The following KDM4B variants were observed in gnomAD, a reference collection of about 807,000 sequenced individuals.
KDM4B encodes the protein lysine demethylase 4B.
In KDM4B, 32 loss-of-function variants were observed where a neutral mutation model predicts 125.2. The observed-to-expected ratio is 0.26, with a 90% confidence interval of 0.19 to 0.34. KDM4B has a LOEUF of 0.34. KDM4B is among the 10% of genes least tolerant of loss of function. The pLI is 1.00. For synonymous variants in KDM4B, 721 were observed against 677.9 expected (o/e 1.06, Z -0.99); for missense variants, 1,190 against 1,577.7 (o/e 0.75, Z 4.16).
intron 3 of KDM4B, among the ~76,000 whole-genome samples, chr19:5,036,668 G>T (rs1337034249): frequency 1.3e-5 from 2 of 152,270 alleles, no homozygotes; most frequent in Non-Finnish European, 2.9e-5. Context: ...GGCCCCCCAG[G>T]AGCCCCGTGT....
intron 1 of KDM4B, among the ~76,000 whole-genome samples, chr19:4,970,766 G>A (rs1423823336): frequency 6.6e-6 from 1 of 152,306 alleles, no homozygotes; most frequent in East Asian, 1.9e-4. Context: ...TCCTCTCTCC[G>A]CTTTGCAGTT....
chr19:5,134,602 T>C (rs2039615614), intron 14 of KDM4B, among the ~76,000 whole-genome samples: 1 of 151,968 alleles, frequency 6.6e-6, no homozygotes, highest in African/African-American at 2.4e-5. Context: ...ATCTCTTAGA[T>C]CCCCCCTTCT....
chr19:5,001,078 C>T (rs553816357), intron 1 of KDM4B, among the ~76,000 whole-genome samples: 5 of 151,862 alleles, frequency 3.3e-5, no homozygotes, highest in Admixed American at 6.6e-5. Flanking sequence ...GTTGCCCAGG[C>T]TGGAGTGCAG....
chr19:5,101,170 C>T (rs1407179831), intron 9 of KDM4B, among the ~76,000 whole-genome samples: 3 of 144,022 alleles, frequency 2.1e-5, no homozygotes, highest in Non-Finnish European at 3.0e-5. Context: ...TGCAGTGAAC[C>T]GAGGTTGTGC....
At chr19:5,092,564 C>T (rs1021099698) in intron 9 of KDM4B, among the ~76,000 whole-genome samples, 1 of 152,152 alleles carries the variant, frequency 6.6e-6, no homozygotes, top group Admixed American at 6.5e-5. Context: ...GCTCGAGGGC[C>T]TTTGCCAGCT....
At chr19:4,995,309 C>T (rs1379158393) in intron 1 of KDM4B, among the ~76,000 whole-genome samples, 1 of 152,064 alleles carries the variant, frequency 6.6e-6, no homozygotes, top group Non-Finnish European at 1.5e-5. Context: ...GTCTCACCCA[C>T]TTGGAGGCAG....
chr19:4,978,411 G>A (rs1420301128), intron 1 of KDM4B, among the ~76,000 whole-genome samples: 3 of 148,696 alleles, frequency 2.0e-5, no homozygotes, highest in African/African-American at 7.4e-5. Context: ...GGAGGCTGAG[G>A]GAGGAGAATC....
chr19:5,119,527 GGCC>G, intron 10 of KDM4B, 123 bp from the exon 11 acceptor site: 2 of 940,528 alleles, frequency 2.1e-6, no homozygotes, highest in South Asian at 2.8e-5. Flanking sequence ...CCAGCCAGGA[GGCC>G]CCCTGCTCAT....
chr19:5,092,335 C>A (rs1184157412), intron 9 of KDM4B, among the ~76,000 whole-genome samples: 1 of 152,224 alleles, frequency 6.6e-6, no homozygotes, highest in Non-Finnish European at 1.5e-5. Context: ...TCAACCACAA[C>A]ATCGGCAGGC....
intron 12 of KDM4B, 54 bp downstream of exon 12, chr19:5,131,599 GGA>G (rs2039552990): frequency 9.8e-6 from 6 of 614,144 alleles, no homozygotes; most frequent in African/African-American, 4.0e-5. Flanking sequence ...GTGGGGCAGG[GGA>G]GGAGGGGGCA....
At position 5,144,814 on chromosome 19, in the gene KDM4B, C is replaced by G. The variant is rs267605545; in HGVS notation, c.2933C>G (p.Ser978Cys). ...GACTGTGTCCAGCTGGGACCCCCTT[C>G]CGAGGGGGAGCTGGTGGAGCTCCGG... ...SRDCVQLGPP[S>C]EGELVELRWT... The change falls in exon 21 of 23, where the codon TCC (serine) becomes TGC (cysteine). Residue 978 changes from serine to cysteine, a missense_variant. Transcript: ENST00000159111. 6.2e-7 allele frequency: 1 copy of G among 1,613,280 alleles called. No homozygotes were observed. The highest frequency in any genetic ancestry group is 1.3e-5 in the African/African-American group (1 of 74,916).
chr19:5,060,123 T>C (rs1287991493), intron 6 of KDM4B, among the ~76,000 whole-genome samples: 1 of 152,092 alleles, frequency 6.6e-6, no homozygotes, highest in Non-Finnish European at 1.5e-5. Context: ...CTTGGCCGGG[T>C]GATCCCTCAC....
chr19:5,056,799 G>A (rs1319053991), intron 6 of KDM4B, among the ~76,000 whole-genome samples: 1 of 151,794 alleles, frequency 6.6e-6, no homozygotes, highest in African/African-American at 2.4e-5. Context: ...CTCGAGGAGT[G>A]TGGGAGCCCT....
intron 3 of KDM4B, among the ~76,000 whole-genome samples, chr19:5,033,832 AC>A (rs1053661528): frequency 6.6e-6 from 1 of 152,110 alleles, no homozygotes; most frequent in African/African-American, 2.4e-5. Flanking sequence ...CTGAGTATGT[AC>A]AGTACCATTC....
chr19:5,036,794 G>C (rs2036641018), intron 3 of KDM4B, among the ~76,000 whole-genome samples: 1 of 152,230 alleles, frequency 6.6e-6, no homozygotes, highest in Admixed American at 6.5e-5. Flanking sequence ...CCTCCTTCTG[G>C]ATTTGCGTCT....
At chr19:5,047,692 C>T in intron 6 of KDM4B, 23 bp downstream of exon 6, 1 of 1,606,806 alleles carries the variant, frequency 6.2e-7, no homozygotes, top group Non-Finnish European at 8.5e-7. Flanking sequence ...ACTGGCCCTG[C>T]CGCCGGCCGG....
intron 1 of KDM4B, among the ~76,000 whole-genome samples, chr19:5,011,924 C>T (rs995979944): frequency 2.6e-5 from 4 of 152,236 alleles, no homozygotes; most frequent in African/African-American, 7.2e-5. Flanking sequence ...CCGCCCCACC[C>T]GCGGGTCTTG....
At position 5,082,241 on chromosome 19, in the gene KDM4B, T is replaced by A. The variant is rs540932526; in HGVS notation, c.781-126T>A. Reference sequence around the variant, plus strand: ...AGCCCCTGGAGCCGCTGGATCACCTTTGACTTTGTGAAACCCCCTTGGCTC... The same window carrying A: ...AGCCCCTGGAGCCGCTGGATCACCTATGACTTTGTGAAACCCCCTTGGCTC... On this transcript the variant is annotated intron_variant, in intron 8 of 22. Coordinates refer to ENST00000159111, the MANE Select transcript of KDM4B (RefSeq NM_015015.3). This position sits in a 1 kb window ranked among gnomAD's most constrained non-coding sequence, Gnocchi z 5.4. 6.0e-6 allele frequency: 7 copies of A among 1,157,642 alleles called. No homozygotes were observed. The East Asian group carries it at 1.8e-4, about 30-fold the overall frequency. The allele number at this position is 1,157,642 out of a possible 1,614,324, so 71.7% of individuals were successfully genotyped here.
chr19:5,114,277 C>G lies in KDM4B; in HGVS notation c.1115+3459C>G. 7.9e-7 allele frequency: 1 copy of G among 1,260,838 alleles called. No individual in the cohort carries two copies. The highest frequency in any genetic ancestry group is 1.0e-6 in the Non-Finnish European group (1 of 962,434). The allele number at this position is 1,260,838 out of a possible 1,614,324, so 78.1% of individuals were successfully genotyped here. On this transcript the variant is annotated intron_variant, in intron 10 of 22. Transcript: ENST00000159111. The surrounding 1 kb of genome is among the most constrained non-coding windows in gnomAD (Gnocchi z 5.8). ...CCGCCTCACCACAGCCTCCCTGGCC[C>G]ACTGCTGCTCTGTGAGCCCGGCTGG...
Sources: gnomAD v4.1 joint callset for allele counts (sites outside exome capture counted in the v4.1 genomes callset) on GRCh38, gnomAD v4.1.1 for gene constraint, Gnocchi (gnomAD v3.1) non-coding constraint, MANE v1.5 for transcripts, NCBI Gene and HGNC (gene_info 2026-07-23, HGNC 2026-07-21) for gene names.